The following PCDHGB2 variants were observed in gnomAD, a reference collection of about 807,000 sequenced individuals.
PCDHGB2 encodes the protein protocadherin gamma subfamily B, 2, also known as protocadherin gamma-B2.
Under a neutral mutation model 59.3 loss-of-function variants are expected in PCDHGB2, and 55 were observed. The ratio of observed to expected loss-of-function variants is 0.93; its 90% CI spans 0.75 to 1.16. The LOEUF (loss-of-function observed/expected upper bound fraction) is 1.16. Ranked by LOEUF, PCDHGB2 falls within the 50% of genes most tolerant of loss-of-function variation. PCDHGB2 has a pLI of 0.00. For missense variants in PCDHGB2, 1,228 were observed against 1,198.5 expected (o/e 1.02, Z -0.36); for synonymous variants, 516 against 512.0 (o/e 1.01, Z -0.11).
intron 1 of PCDHGB2, among the ~76,000 whole-genome samples, chr5:141,401,908 T>C (rs942184637): frequency 1.3e-5 from 2 of 152,238 alleles, no homozygotes; most frequent in Admixed American, 1.3e-4. Flanking sequence ...CAAATTATTA[T>C]ATAAGTTTAA....
intron 1 of PCDHGB2, chr5:141,391,956 A>G (rs1440560320): frequency 6.6e-6 from 1 of 152,246 alleles, no homozygotes; most frequent in Non-Finnish European, 1.5e-5. Flanking sequence ...AAAAATATAA[A>G]CAATGTAAAT....
At chr5:141,386,521 A>AT (rs1458324675) in intron 1 of PCDHGB2, among the ~76,000 whole-genome samples, 1 of 232 alleles carries the variant, frequency 4.3e-3, no homozygotes, top group African/African-American at 0.013. Context: ...TCAAAAAAAG[A>AT]CTCTTTTTAG....
Position 141,393,095 on chromosome 5 carries a change from G to A in PCDHGB2, c.2421+30539G>A, listed in dbSNP as rs1057103671. On this transcript the variant is annotated intron_variant, in intron 1 of 3. Transcript: ENST00000522605. ...CCGCGGGCAGGATAGATCGGGAGGA[G>A]CTCTGCGCTCAGAGCCCGCGGTGTC... The A allele has an allele frequency of 3.1e-6, 5 of 1,613,520 alleles. No homozygotes were observed. The East Asian group carries it at 8.9e-5, about 29-fold the overall frequency.
intron 2 of PCDHGB2, 102 bp from the exon 3 acceptor site, chr5:141,505,291 G>A (rs2154593677): frequency 1.3e-6 from 2 of 1,565,092 alleles, no homozygotes; most frequent in Non-Finnish European, 1.7e-6. Context: ...TGGGCATGGG[G>A]TAGGGTTAGG....
intron 1 of PCDHGB2, among the ~76,000 whole-genome samples, chr5:141,443,008 T>C (rs2098358096): frequency 1.3e-5 from 2 of 152,220 alleles, no homozygotes; most frequent in Admixed American, 1.3e-4. Context: ...TCTAAGAATA[T>C]GACTAATGGA....
chr5:141,477,710 GA>G lies in PCDHGB2; in HGVS notation c.2422-17095del. ...GCCCCTAGACTATGAGGATCGGCGG[GA>G]ATTTGAATTAACAGCTCATATCAGC... On this transcript the variant is annotated intron_variant, in intron 1 of 3. Coordinates refer to ENST00000522605, the MANE Select transcript of PCDHGB2 (RefSeq NM_018923.3). This position sits in a 1 kb window ranked among gnomAD's most constrained non-coding sequence, Gnocchi z 4.9. 2 of 1,613,918 alleles carry G rather than the reference GA, an allele frequency of 1.2e-6. No individual in the cohort carries two copies. Among genetic ancestry groups the G allele is most frequent in the Non-Finnish European group, 1.7e-6 (2 of 1,180,044 alleles).
At chr5:141,423,202 G>A (rs771252840) in intron 1 of PCDHGB2, 67 of 1,613,500 alleles carry the variant, frequency 4.2e-5, no homozygotes, top group Non-Finnish European at 5.5e-5. Context: ...CTCGGCCACC[G>A]TCACGCTCAC....
intron 1 of PCDHGB2, among the ~76,000 whole-genome samples, chr5:141,443,656 A>G (rs139300845): frequency 1.3e-5 from 2 of 152,374 alleles, no homozygotes; most frequent in East Asian, 3.8e-4. Flanking sequence ...TTAGCATAGC[A>G]TTTTACTGAA....
At chr5:141,451,180 T>C (rs1318435826) in intron 1 of PCDHGB2, among the ~76,000 whole-genome samples, 4 of 152,180 alleles carry the variant, frequency 2.6e-5, no homozygotes, top group Non-Finnish European at 4.4e-5. Flanking sequence ...ATTTAGCCAT[T>C]GCTGTGTAAC....
At chr5:141,419,174 A>G (rs1283454889) in intron 1 of PCDHGB2, 1 of 1,613,840 alleles carries the variant, frequency 6.2e-7, no homozygotes, top group East Asian at 2.2e-5. Flanking sequence ...CAAAACCATA[A>G]CCCTGCACAT....
intron 1 of PCDHGB2, among the ~76,000 whole-genome samples, chr5:141,471,928 G>A (rs1328213264): frequency 6.6e-6 from 1 of 152,152 alleles, no homozygotes; most frequent in African/African-American, 2.4e-5. Context: ...TTTTGGGGGT[G>A]ATGAGAGTTT....
rs1340692426 is a variant in PCDHGB2 at position 141,485,025 on chromosome 5, A to C, written c.2422-9782A>C. ...CAAATCTACCCCGCCACCAGCAAAAACGGCGCGTAACCCTTGCGGCGCCGG... is the reference window on the plus strand; with the variant it reads ...CAAATCTACCCCGCCACCAGCAAAACCGGCGCGTAACCCTTGCGGCGCCGG... On this transcript the variant is annotated intron_variant, in intron 1 of 3. Transcript: ENST00000522605. This position sits in a 1 kb window ranked among gnomAD's most constrained non-coding sequence, Gnocchi z 5.7. 2 of 657,796 alleles carry C rather than the reference A, an allele frequency of 3.0e-6. No homozygotes were observed. The highest frequency in any genetic ancestry group is 5.4e-6 in the Non-Finnish European group (2 of 369,210). The allele number at this position is 657,796 out of a possible 1,614,324, so 40.7% of individuals were successfully genotyped here.
chr5:141,426,565 T>G, intron 1 of PCDHGB2: 1 of 351,600 alleles, frequency 2.8e-6, no homozygotes, highest in Non-Finnish European at 5.7e-6. Flanking sequence ...AGATCGAGAG[T>G]CACTGTCTTC....
rs575856599 is a variant in PCDHGB2 at position 141,399,712 on chromosome 5, C to T, written c.2421+37156C>T. ...GCTGCGCACCTTCGAACTCACACTA[C>T]AGGCCCGCGACCAGGGCTCGCCTGC... On this transcript the variant is annotated intron_variant, in intron 1 of 3. Transcript: ENST00000522605. The T allele has an allele frequency of 7.4e-6, 12 of 1,613,378 alleles. No individual in the cohort carries two copies. In the East Asian group the frequency reaches 2.2e-4, roughly 30 times the overall value.
intron 2 of PCDHGB2, among the ~76,000 whole-genome samples, chr5:141,501,092 C>A: frequency 6.6e-6 from 1 of 152,118 alleles, no homozygotes; most frequent in East Asian, 1.9e-4. Flanking sequence ...TGGTCTCAAT[C>A]TCTTGACCTC....
At chr5:141,381,078 T>C (rs1776973656) in intron 1 of PCDHGB2, among the ~76,000 whole-genome samples, 1 of 152,250 alleles carries the variant, frequency 6.6e-6, no homozygotes, top group African/African-American at 2.4e-5. Flanking sequence ...ATGGATTATT[T>C]TGATAGATCA....
rs969397099 is a variant in PCDHGB2, at chr5:141,477,807, C to T, written c.2422-17000C>T. 6.2e-6 allele frequency: 10 copies of T among 1,613,932 alleles called. No homozygotes were observed. Among genetic ancestry groups the T allele is most frequent in the African/African-American group, 1.3e-5 (1 of 74,922 alleles). ...TTTGTCACTGATCGCAATGACAATG[C>T]CCCCCAGGTCCTATATCCTCGGCCA... is the stretch of plus-strand genomic sequence containing the variant. On this transcript the variant is annotated intron_variant, in intron 1 of 3. Transcript: ENST00000522605. The surrounding 1 kb of genome is among the most constrained non-coding windows in gnomAD (Gnocchi z 4.9).
Position 141,491,215 on chromosome 5 carries a change from A to G in PCDHGB2, c.2422-3592A>G, listed in dbSNP as rs546893944. 2.5e-6 allele frequency: 4 copies of G among 1,614,196 alleles called. No individual in the cohort carries two copies. Among genetic ancestry groups the G allele is most frequent in the Non-Finnish European group, 3.4e-6 (4 of 1,180,036 alleles). On this transcript the variant is annotated intron_variant, in intron 1 of 3. Coordinates refer to ENST00000522605, the MANE Select transcript of PCDHGB2 (RefSeq NM_018923.3). This position sits in a 1 kb window ranked among gnomAD's most constrained non-coding sequence, Gnocchi z 6.9. ...CAATGGTGACCCTTCACTCTCCTCC[A>G]CAGCCACAGTGCTGCTGGTTCTGGA...
rs750014647 is a variant in PCDHGB2, at chr5:141,426,649, T to C, written c.2421+64093T>C. 53 of 418,716 alleles carry C rather than the reference T, an allele frequency of 1.3e-4. 1 individual carries two copies. Among genetic ancestry groups the C allele is most frequent in the South Asian group, 6.9e-4 (42 of 60,762 alleles). The allele number at this position is 418,716 out of a possible 1,614,324, so 25.9% of individuals were successfully genotyped here. On this transcript the variant is annotated intron_variant, in intron 1 of 3. Coordinates refer to ENST00000522605, the MANE Select transcript of PCDHGB2 (RefSeq NM_018923.3). Reference sequence around the variant, plus strand: ...AATGTTTTTCACATAAATGTGATGATAGAAGATATAAATGATAACCCACCT... The same window carrying C: ...AATGTTTTTCACATAAATGTGATGACAGAAGATATAAATGATAACCCACCT...
Sources: gnomAD v4.1 joint callset for allele counts (sites outside exome capture counted in the v4.1 genomes callset) on GRCh38, gnomAD v4.1.1 for gene constraint, Gnocchi (gnomAD v3.1) non-coding constraint, MANE v1.5 for transcripts, NCBI Gene and HGNC (gene_info 2026-07-23, HGNC 2026-07-21) for gene names.